The following DENND1A variants were observed in gnomAD, a reference collection of about 807,000 sequenced individuals.
The protein encoded by DENND1A is DENN domain-containing protein 1A.
DENND1A carries 51 observed loss-of-function variants against 113.7 expected under a neutral mutation model. The ratio of observed to expected loss-of-function variants is 0.45; its 90% CI spans 0.36 to 0.57. The LOEUF is 0.57. Among genes scored for constraint, DENND1A ranks in the 20% least tolerant of loss-of-function variants. The pLI is 0.00. For missense variants in DENND1A, 1,258 were observed against 1,395.9 expected, an observed-to-expected ratio of 0.90 and a Z score of 1.57; for synonymous variants, 565 against 570.8, an observed-to-expected ratio of 0.99 and a Z score of 0.14.
intron 20 of DENND1A, among the ~76,000 whole-genome samples, chr9:123,407,245 G>A (rs1460023743): frequency 6.6e-6 from 1 of 151,924 alleles, no homozygotes. Flanking sequence ...AGAGGCGGTT[G>A]GTCACCAGCA....
intron 2 of DENND1A, among the ~76,000 whole-genome samples, chr9:123,818,519 T>TACACACAC (rs1215014185): frequency 3.1e-4 from 35 of 112,282 alleles, no homozygotes; most frequent in East Asian, 1.3e-3. Flanking sequence ...TACATACATA[T>TACACACAC]ACACACACAC....
At chr9:123,389,460 C>T (rs1229551905) in intron 21 of DENND1A, among the ~76,000 whole-genome samples, 1 of 152,192 alleles carries the variant, frequency 6.6e-6, no homozygotes, top group Non-Finnish European at 1.5e-5. Flanking sequence ...GGCATTTTCC[C>T]GCCTCAGTGG....
intron 3 of DENND1A, among the ~76,000 whole-genome samples, chr9:123,782,294 G>A (rs1008183937): frequency 2.6e-5 from 4 of 152,160 alleles, no homozygotes; most frequent in Middle Eastern, 3.4e-3. Context: ...AAGTTATACC[G>A]CTAAAACTAG....
At chr9:123,671,258 T>C (rs1161192262) in intron 7 of DENND1A, 33 bp downstream of exon 7, 1 of 1,612,180 alleles carries the variant, frequency 6.2e-7, no homozygotes, top group East Asian at 2.2e-5. Flanking sequence ...TGAAATGCGT[T>C]TTCAGTGATG....
intron 5 of DENND1A, among the ~76,000 whole-genome samples, chr9:123,730,661 G>A (rs907021010): frequency 6.6e-6 from 1 of 152,190 alleles, no homozygotes; most frequent in African/African-American, 2.4e-5. Flanking sequence ...GTTGGTGGGA[G>A]TGTAAATGAG....
At chr9:123,403,532 T>G in intron 20 of DENND1A, 42 bp from the exon 21 acceptor site, 1 of 1,573,550 alleles carries the variant, frequency 6.4e-7, no homozygotes, top group Non-Finnish European at 8.7e-7. Context: ...AGGAGTGAGT[T>G]GGAAAAGCCA....
rs1039710283 is a variant in DENND1A, at chr9:123,764,200, T to C, written c.182+5314A>G. Among the ~76,000 whole-genome samples, 6 of 152,164 alleles carry C rather than the reference T, an allele frequency of 3.9e-5. No homozygotes were observed. The highest frequency in any genetic ancestry group is 8.8e-5 in the Non-Finnish European group (6 of 68,024). ...CAGAGTGGTTGCAGATTAGAGATAA[T>C]GTATACAAGATAACTAGCATATAGT... On this transcript the variant is annotated intron_variant, in intron 4 of 23. Coordinates refer to ENST00000394215, the MANE Select transcript of DENND1A (RefSeq NM_001352964.2). The surrounding 1 kb of genome is among the most constrained non-coding windows in gnomAD (Gnocchi z 4.1).
intron 1 of DENND1A, among the ~76,000 whole-genome samples, chr9:123,903,357 A>T (rs1390061182): frequency 6.7e-6 from 1 of 149,772 alleles, no homozygotes; most frequent in Admixed American, 6.6e-5. Context: ...AAAAAAAAAA[A>T]ACTGGAAAAA....
At chr9:123,482,493 C>A (rs2050426834) in intron 13 of DENND1A, among the ~76,000 whole-genome samples, 1 of 152,212 alleles carries the variant, frequency 6.6e-6, no homozygotes, top group Non-Finnish European at 1.5e-5. Flanking sequence ...ACTCAGGACC[C>A]AACTCAAAGG....
At chr9:123,398,395 G>C (rs1225801316) in intron 21 of DENND1A, among the ~76,000 whole-genome samples, 1 of 151,678 alleles carries the variant, frequency 6.6e-6, no homozygotes, top group Non-Finnish European at 1.5e-5. Flanking sequence ...TTTTATTTGA[G>C]ACGGCGTCTC....
intron 10 of DENND1A, among the ~76,000 whole-genome samples, chr9:123,619,977 C>T (rs1026122231): frequency 4.6e-5 from 7 of 151,908 alleles, no homozygotes; most frequent in Non-Finnish European, 1.0e-4. Flanking sequence ...CTTTGGGAGG[C>T]CAAGGTGGGC....
At chr9:123,570,685 G>A (rs1354397683) in intron 12 of DENND1A, among the ~76,000 whole-genome samples, 1 of 152,134 alleles carries the variant, frequency 6.6e-6, no homozygotes, top group Non-Finnish European at 1.5e-5. Context: ...CCTGCTGAAT[G>A]AATAAACACT....
chr9:123,651,660 C>T (rs1274583323), intron 9 of DENND1A, among the ~76,000 whole-genome samples: 1 of 152,148 alleles, frequency 6.6e-6, no homozygotes, highest in African/African-American at 2.4e-5. Flanking sequence ...TCATAATGAA[C>T]AACCTAAATG....
chr9:123,734,437 G>A (rs2068409813), intron 5 of DENND1A, among the ~76,000 whole-genome samples: 1 of 152,102 alleles, frequency 6.6e-6, no homozygotes, highest in Admixed American at 6.5e-5. Flanking sequence ...TGGGGAAAGT[G>A]CATGTCTCGG....
At chr9:123,845,545 C>T (rs1842465141) in intron 2 of DENND1A, among the ~76,000 whole-genome samples, 1 of 151,608 alleles carries the variant, frequency 6.6e-6, no homozygotes, top group Admixed American at 6.6e-5. Context: ...TGGCATACAC[C>T]TGTAGTCCCA....
chr9:123,785,170 G>A (rs529926258), intron 3 of DENND1A, among the ~76,000 whole-genome samples: 1 of 151,828 alleles, frequency 6.6e-6, no homozygotes, highest in Non-Finnish European at 1.5e-5. Flanking sequence ...TAAGACCCCC[G>A]TCTCTAAAAA....
intron 1 of DENND1A, among the ~76,000 whole-genome samples, chr9:123,904,405 C>A (rs1376835988): frequency 6.7e-6 from 1 of 149,456 alleles, no homozygotes. Flanking sequence ...AGGCTTCAGA[C>A]GATCAAATTA....
rs139004470 is a variant in DENND1A at position 123,646,488 on chromosome 9, A to G, written c.618+5525T>C. 1.3e-3 allele frequency among the ~76,000 whole-genome samples: 198 copies of G among 152,250 alleles called. 1 individual carries two copies. Among genetic ancestry groups the G allele is most frequent in the African/African-American group, 4.5e-3 (188 of 41,552 alleles). Reference sequence around the variant, plus strand: ...ATGTGCCAGGAGAGAAGAGAAAATAATAATAGATGCAGGAGAGAAGAGCTT... The same window carrying G: ...ATGTGCCAGGAGAGAAGAGAAAATAGTAATAGATGCAGGAGAGAAGAGCTT... On this transcript the variant is annotated intron_variant, in intron 9 of 23. Transcript: ENST00000394215.
intron 16 of DENND1A, among the ~76,000 whole-genome samples, 168 bp downstream of exon 16, chr9:123,454,570 AC>A (rs1281225466): frequency 6.6e-6 from 1 of 152,054 alleles, no homozygotes; most frequent in Admixed American, 6.6e-5. Context: ...GGACAATCCC[AC>A]CCTTCTAGTC....
Sources: allele counts gnomAD v4.1 joint callset (sites outside exome capture counted in the v4.1 genomes callset), GRCh38; gene constraint gnomAD v4.1.1; non-coding constraint Gnocchi (gnomAD v3.1); transcripts MANE v1.5; gene names NCBI Gene and HGNC (gene_info 2026-07-23, HGNC 2026-07-21).